Variants in PALLD observed in about 807,000 individuals in gnomAD.
PALLD encodes the protein palladin.
In PALLD, 61 loss-of-function variants were observed where a neutral mutation model predicts 123.5. The observed-to-expected ratio is 0.49, with a 90% CI of 0.40 to 0.61. The LOEUF (loss-of-function observed/expected upper bound fraction) is 0.61, where lower values mean the gene tolerates loss of function less well. Ranked by LOEUF, PALLD falls within the 20% of genes least tolerant of loss-of-function variation. The pLI is 0.00. For missense variants in PALLD, 1,273 were observed against 1,377.0 expected, an observed-to-expected ratio of 0.92 and a Z score of 1.20; for synonymous variants, 465 against 496.4, an observed-to-expected ratio of 0.94 and a Z score of 0.84.
chr4:168,510,378 T>TCTCATAGC (rs1471162074), intron 1 of PALLD, among the ~76,000 whole-genome samples: 1 of 152,198 alleles, frequency 6.6e-6, no homozygotes, highest in African/African-American at 2.4e-5. Flanking sequence ...TAGATTAGAC[T>TCTCATAGC]CTCATAGCCC....
At chr4:168,695,974 A>G (rs1157291819) in intron 8 of PALLD, among the ~76,000 whole-genome samples, 1 of 152,302 alleles carries the variant, frequency 6.6e-6, no homozygotes, top group Non-Finnish European at 1.5e-5. Flanking sequence ...CCTGGGCCAC[A>G]CTGGAAGAAG....
intron 10 of PALLD, among the ~76,000 whole-genome samples, chr4:168,801,633 C>A (rs2150682723): frequency 6.6e-6 from 1 of 152,268 alleles, no homozygotes; most frequent in Non-Finnish European, 1.5e-5. Flanking sequence ...TAATTGCTTA[C>A]AAGACAAAGA....
chr4:168,916,255 T>C (rs1760066118), intron 17 of PALLD, among the ~76,000 whole-genome samples: 1 of 151,988 alleles, frequency 6.6e-6, no homozygotes, highest in Non-Finnish European at 1.5e-5. Context: ...CTACCAAAAA[T>C]ACAAAAGTTA....
chr4:168,759,190 AAAAAAAAAAAAAATAT>A (rs1455820733), intron 10 of PALLD, among the ~76,000 whole-genome samples: 3 of 26,438 alleles, frequency 1.1e-4, no homozygotes, highest in African/African-American at 1.7e-4. Context: ...AAAAAAAAAA[AAAAAAAAAAAAAATAT>A]ATATATATAT....
At chr4:168,654,435 C>T (rs2149934970) in intron 2 of PALLD, among the ~76,000 whole-genome samples, 1 of 152,224 alleles carries the variant, frequency 6.6e-6, no homozygotes, top group Non-Finnish European at 1.5e-5. Flanking sequence ...TAGTGAGGCT[C>T]TAATTGTGTC....
intron 10 of PALLD, among the ~76,000 whole-genome samples, chr4:168,816,413 A>ATATTT (rs34003798): frequency 2.2e-5 from 3 of 136,002 alleles, no homozygotes; most frequent in African/African-American, 9.1e-5. Context: ...ATATATATAT[A>ATATTT]TTTTTTTTAA....
chr4:168,864,099 C>T (rs1749904193), intron 10 of PALLD: 1 of 152,154 alleles, frequency 6.6e-6, no homozygotes, highest in Non-Finnish European at 1.5e-5. Context: ...GCTGATACCA[C>T]TATAGTCATA....
At chr4:168,904,900 G>A (rs1440949501) in intron 15 of PALLD, among the ~76,000 whole-genome samples, 1 of 152,058 alleles carries the variant, frequency 6.6e-6, no homozygotes, top group Admixed American at 6.5e-5. Context: ...GCTGAGGCAG[G>A]TGGATTGCCT....
chr4:168,671,833 G>A (rs764412520), intron 3 of PALLD, among the ~76,000 whole-genome samples: 11 of 152,190 alleles, frequency 7.2e-5, no homozygotes, highest in East Asian at 1.9e-4. Flanking sequence ...ATCAGCTGTC[G>A]TTGGCAGCCT....
chr4:168,888,055 A>T (rs562126160), intron 10 of PALLD, among the ~76,000 whole-genome samples: 1 of 152,312 alleles, frequency 6.6e-6, no homozygotes, highest in South Asian at 2.1e-4. Context: ...AAGACTGATG[A>T]TAACAACCCC....
At chr4:168,646,664 C>T (rs1777487180) in intron 2 of PALLD, among the ~76,000 whole-genome samples, 1 of 152,166 alleles carries the variant, frequency 6.6e-6, no homozygotes, top group Non-Finnish European at 1.5e-5. Context: ...TCTGGTTTCC[C>T]CGTGGTATCA....
chr4:168,825,554 AAGG>A (rs1264471000), intron 10 of PALLD, among the ~76,000 whole-genome samples: 5 of 152,308 alleles, frequency 3.3e-5, no homozygotes, highest in African/African-American at 1.2e-4. Flanking sequence ...TGCTGGGTAG[AAGG>A]AGGTTTCAGA....
intron 10 of PALLD, among the ~76,000 whole-genome samples, chr4:168,808,209 A>G (rs1165837479): frequency 6.6e-6 from 1 of 151,622 alleles, no homozygotes; most frequent in Non-Finnish European, 1.5e-5. Context: ...GGCCAGGCAC[A>G]GTGGCTCATG....
chr4:168,584,614 G>A (rs964897925), intron 2 of PALLD, among the ~76,000 whole-genome samples: 1 of 152,092 alleles, frequency 6.6e-6, no homozygotes, highest in Non-Finnish European at 1.5e-5. Context: ...TTCTATCTTA[G>A]TCACCAAGTA....
chr4:168,724,125 C>T (rs1786307977), intron 10 of PALLD, among the ~76,000 whole-genome samples: 1 of 152,118 alleles, frequency 6.6e-6, no homozygotes, highest in African/African-American at 2.4e-5. Flanking sequence ...GATCTCTTGA[C>T]CTCGTGTTGA....
At chr4:168,908,368 C>G (rs1758244326) in intron 15 of PALLD, among the ~76,000 whole-genome samples, 3 of 152,032 alleles carry the variant, frequency 2.0e-5, no homozygotes, top group African/African-American at 7.2e-5. Context: ...TGTAAGGATG[C>G]CATTCTGGAA....
At chr4:168,583,907 C>G (rs1413327288) in intron 2 of PALLD, among the ~76,000 whole-genome samples, 1 of 152,074 alleles carries the variant, frequency 6.6e-6, no homozygotes, top group Non-Finnish European at 1.5e-5. Context: ...TATTCCCCAC[C>G]ACCAAGAAAG....
intron 15 of PALLD, among the ~76,000 whole-genome samples, chr4:168,907,225 T>G (rs1475947160): frequency 6.6e-6 from 1 of 152,236 alleles, no homozygotes; most frequent in Non-Finnish European, 1.5e-5. Context: ...ACTGTCATTA[T>G]TTTAATTCAG....
chr4:168,877,476 T>G (rs924835660), intron 10 of PALLD, among the ~76,000 whole-genome samples: 4 of 152,244 alleles, frequency 2.6e-5, no homozygotes, highest in African/African-American at 9.6e-5. Context: ...ATTTGTAAAC[T>G]GGTTGGGATC....
Sources: allele counts gnomAD v4.1 joint callset (sites outside exome capture counted in the v4.1 genomes callset), GRCh38; gene constraint gnomAD v4.1.1; transcripts MANE v1.5; gene names NCBI Gene and HGNC (gene_info 2026-07-23, HGNC 2026-07-21).